Variants in SIRT2 observed in about 807,000 individuals in gnomAD.
SIRT2 encodes the protein NAD-dependent protein deacetylase sirtuin-2.
A neutral mutation model predicts 57.4 loss-of-function variants in SIRT2; 40 were observed. The observed-to-expected ratio is 0.70, with a 90% confidence interval of 0.54 to 0.91. The LOEUF (loss-of-function observed/expected upper bound fraction) is 0.91, where lower values mean the gene tolerates loss of function less well. Ranked by LOEUF, SIRT2 falls within the 40% of genes least tolerant of loss-of-function variation. SIRT2 has a pLI of 0.00. For missense variants in SIRT2, 439 were observed against 510.4 expected (o/e 0.86, Z 1.35); for synonymous variants, 161 against 195.7 (o/e 0.82, Z 1.48).
Position 38,888,005 on chromosome 19 carries a change from C to T in SIRT2, c.501+1082G>A, listed in dbSNP as rs142928206. 4.7e-3 allele frequency among the ~76,000 whole-genome samples: 713 copies of T among 152,246 alleles called. 8 individuals are homozygous for T. The highest frequency in any genetic ancestry group is 0.016 in the African/African-American group (676 of 41,546). ...TCCTGACCTCGTGATCTGCCCACCT[C>T]GGTGTCCCAAAGTGCTGGGATTACA... On this transcript the variant is annotated intron_variant, in intron 8 of 15. Transcript: ENST00000249396.
In SIRT2 at chr19:38,893,390, G is replaced by GC. The variant is rs752330635; in HGVS notation, c.226+23dup. 383 of 1,477,486 alleles carry GC rather than the reference G, an allele frequency of 2.6e-4. 1 individual carries two copies. Among genetic ancestry groups the GC allele is most frequent in the Non-Finnish European group, 2.6e-5 (27 of 1,056,118 alleles). The allele number at this position is 1,477,486 out of a possible 1,614,324, so 91.5% of individuals were successfully genotyped here. On this transcript the variant is annotated intron_variant, in intron 4 of 15. Coordinates refer to ENST00000249396, the MANE Select transcript of SIRT2 (RefSeq NM_012237.4). ...TTGGGGCCAGGAGCCAGGCAAAGTG[G>GC]CCCAATCCTGACAGGGGACTCACAG...
intron 2 of SIRT2, among the ~76,000 whole-genome samples, chr19:38,897,731 GC>G (rs1973766800): frequency 6.6e-6 from 1 of 152,128 alleles, no homozygotes; most frequent in South Asian, 2.1e-4. Flanking sequence ...TCCCTATGTT[GC>G]CAAGACTGGT....
chr19:38,885,386 T>C (rs1973295560), intron 8 of SIRT2, among the ~76,000 whole-genome samples: 2 of 151,828 alleles, frequency 1.3e-5, no homozygotes, highest in Admixed American at 6.6e-5. Flanking sequence ...ATTACAGGCG[T>C]GAGACACCAT....
rs536135119 is a variant in SIRT2, at chr19:38,885,848, C to T, written c.502-2092G>A. ...TCGTGATCTGCCCACCTCAGCCTCC[C>T]AAAGTGCTGGGATTACAGGTGTGAG... On this transcript the variant is annotated intron_variant, in intron 8 of 15. Coordinates refer to ENST00000249396, the MANE Select transcript of SIRT2 (RefSeq NM_012237.4). Among the ~76,000 whole-genome samples the T allele has an allele frequency of 1.2e-3, 180 of 152,260 alleles. 1 individual carries two copies. The highest frequency in any genetic ancestry group is 3.9e-3 in the African/African-American group (161 of 41,540).
At chr19:38,884,743 A>C (rs1298546651) in intron 8 of SIRT2, among the ~76,000 whole-genome samples, 1 of 150,960 alleles carries the variant, frequency 6.6e-6, no homozygotes. Flanking sequence ...CACTGTGCCT[A>C]GCCATGTTTT....
In SIRT2 at chr19:38,889,149, T is replaced by C; in HGVS notation, c.439A>G (p.Ile147Val). 6.2e-7 allele frequency: 1 copy of C among 1,612,982 alleles called. No individual in the cohort carries two copies. Among genetic ancestry groups the C allele is most frequent in the Non-Finnish European group, 8.5e-7 (1 of 1,179,950 alleles). Residue 147 changes from isoleucine to valine, a missense_variant, in exon 8 of 16, where the codon ATC becomes GTC. Coordinates refer to ENST00000249396, the MANE Select transcript of SIRT2 (RefSeq NM_012237.4). ...ELYPGQFKPT[I>V]CHYFMRLLKD... ...AGCAGGCGCATGAAGTAGTGACAGA[T>C]GGTTGGCTGCAGGGAAGAGCGACAG...
At chr19:38,881,005 G>T in intron 11 of SIRT2, 95 bp downstream of exon 11, 1 of 1,542,350 alleles carries the variant, frequency 6.5e-7, no homozygotes, top group Non-Finnish European at 8.9e-7. Context: ...CTGGGGAGGT[G>T]ACCTTTCCTG....
chr19:38,879,073 C>T lies in SIRT2; in HGVS notation c.*82G>A, dbSNP rs757961013. 1 of 1,418,070 alleles carries T rather than the reference C, an allele frequency of 7.1e-7. No homozygotes were observed. The highest frequency in any genetic ancestry group is 9.4e-7 in the Non-Finnish European group (1 of 1,058,386). The allele number at this position is 1,418,070 out of a possible 1,614,324, so 87.8% of individuals were successfully genotyped here. On this transcript the variant is annotated 3_prime_UTR_variant, in exon 16 of 16. Transcript: ENST00000249396. ...ATGTTCTGAGCTCCCCAGACAAGAA[C>T]TGCTGGTTAAGAGGGGGCCAGGCCC...
chr19:38,886,453 T>C (rs5828020), intron 8 of SIRT2, among the ~76,000 whole-genome samples: 1 of 97,810 alleles, frequency 1.0e-5, no homozygotes, highest in African/African-American at 6.2e-5. Context: ...GACAACATGG[T>C]TTTTTTTTTT....
At position 38,898,406 on chromosome 19, in the gene SIRT2, G is replaced by T. The variant is rs1378303685; in HGVS notation, c.36C>A (p.Thr12=). The part of the protein sequence containing the change: ...AEPDPSHPLE[T]QAGKVQEAQD... The stretch of plus-strand genomic sequence containing the variant: ...GAGCCTCCTGCACCTTCCCTGCCTG[G>T]GTCTCCAGAGGGTGAGAGGCTGGGG... The change falls in exon 2 of 16, where the codon ACC becomes ACA. Residue 12 remains threonine, a synonymous_variant. Coordinates refer to ENST00000249396, the MANE Select transcript of SIRT2 (RefSeq NM_012237.4). The T allele has an allele frequency of 1.3e-6, 2 of 1,554,228 alleles. No homozygotes were observed. The highest frequency in any genetic ancestry group is 2.4e-5 in the South Asian group (2 of 83,744).
intron 9 of SIRT2, among the ~76,000 whole-genome samples, chr19:38,882,912 G>A (rs900595249): frequency 5.9e-5 from 9 of 151,980 alleles, no homozygotes; most frequent in Non-Finnish European, 1.2e-4. Flanking sequence ...GGAATCCTCA[G>A]CCCAGGGGCA....
chr19:38,894,125 C>G, intron 2 of SIRT2: 1 of 599,556 alleles, frequency 1.7e-6, no homozygotes, highest in East Asian at 3.4e-5. Flanking sequence ...GAGACAGTGT[C>G]TCGCTCTGTT....
chr19:38,890,016 A>C, intron 5 of SIRT2, 55 bp from the exon 6 acceptor site: 1 of 1,608,904 alleles, frequency 6.2e-7, no homozygotes, highest in Non-Finnish European at 8.5e-7. Context: ...CCCTCCCAGG[A>C]CAGGGCTCAG....
At chr19:38,884,276 G>C (rs1407804745) in intron 8 of SIRT2, among the ~76,000 whole-genome samples, 1 of 152,086 alleles carries the variant, frequency 6.6e-6, no homozygotes, top group African/African-American at 2.4e-5. Context: ...ATTTCCACCT[G>C]TCATTAATTG....
intron 2 of SIRT2, among the ~76,000 whole-genome samples, chr19:38,897,569 T>C (rs1225867882): frequency 6.6e-6 from 1 of 151,938 alleles, no homozygotes; most frequent in Non-Finnish European, 1.5e-5. Context: ...GTCGCCCCGG[T>C]TGGGGTGCAG....
At chr19:38,898,268 C>T in intron 2 of SIRT2, 111 bp downstream of exon 2, 1 of 669,200 alleles carries the variant, frequency 1.5e-6, no homozygotes, top group East Asian at 3.3e-5. Context: ...GGGATTGGGG[C>T]AATGAGCCGA....
chr19:38,893,179 G>A (rs1161751550), intron 4 of SIRT2, among the ~76,000 whole-genome samples: 1 of 152,184 alleles, frequency 6.6e-6, no homozygotes, highest in Non-Finnish European at 1.5e-5. Flanking sequence ...CCCAAAACAA[G>A]AAAAGCAGCA....
intron 8 of SIRT2, 143 bp downstream of exon 8, chr19:38,888,944 A>C (rs1973429290): frequency 1.4e-6 from 1 of 692,174 alleles, no homozygotes; most frequent in Non-Finnish European, 2.5e-6. Flanking sequence ...GTCATGCAGC[A>C]AGGAGGCAGT....
chr19:38,889,055 ATCC>A, intron 8 of SIRT2, 29 bp downstream of exon 8: 1 of 1,602,956 alleles, frequency 6.2e-7, no homozygotes. Context: ...CCACCCGCCC[ATCC>A]TCCTCCCAGG....
Sources: allele counts gnomAD v4.1 joint callset (sites outside exome capture counted in the v4.1 genomes callset), GRCh38; gene constraint gnomAD v4.1.1; transcripts MANE v1.5; gene names NCBI Gene and HGNC (gene_info 2026-07-23, HGNC 2026-07-21).